The following RBFOX1 variants were observed in gnomAD, a reference collection of about 807,000 sequenced individuals.
RBFOX1 encodes RNA binding fox-1 homolog 1.
RBFOX1 carries 8 observed loss-of-function variants against 57.7 expected under a neutral mutation model. The observed-to-expected ratio is 0.14, with a 90% CI of 0.08 to 0.25. The LOEUF is 0.25. Among genes scored for constraint, RBFOX1 ranks in the 10% least tolerant of loss-of-function variants. RBFOX1 has a pLI of 1.00. For synonymous variants in RBFOX1, 326 were observed against 222.4 expected (o/e 1.47, Z -4.15); for missense variants, 611 against 548.5 (o/e 1.11, Z -1.14).
At chr16:6,164,445 G>C (rs558510168) in intron 1 of RBFOX1, among the ~76,000 whole-genome samples, 1 of 150,290 alleles carries the variant, frequency 6.7e-6, no homozygotes, top group Admixed American at 6.7e-5. Context: ...TTTCCACAGA[G>C]TTCTTTTTTG....
At chr16:5,944,361 G>C (rs991125212) in intron 4 of RBFOX1, among the ~76,000 whole-genome samples, 1 of 152,220 alleles carries the variant, frequency 6.6e-6, no homozygotes, top group African/African-American at 2.4e-5. Context: ...ATGGAGAAGA[G>C]AGAGACATAG....
intron 3 of RBFOX1, among the ~76,000 whole-genome samples, chr16:6,857,986 G>C (rs905011333): frequency 1.3e-5 from 2 of 152,078 alleles, no homozygotes; most frequent in African/African-American, 4.8e-5. Context: ...AAGTTGAGAG[G>C]GAGATTCTAA....
At chr16:5,431,234 G>A (rs368371387) in intron 1 of RBFOX1, among the ~76,000 whole-genome samples, 2 of 152,156 alleles carry the variant, frequency 1.3e-5, no homozygotes, top group African/African-American at 2.4e-5. Context: ...ATAGCCTTTC[G>A]TAAAGTTCTG....
intron 4 of RBFOX1, among the ~76,000 whole-genome samples, chr16:7,482,082 G>C (rs1412121389): frequency 1.3e-5 from 2 of 152,212 alleles, no homozygotes; most frequent in African/African-American, 4.8e-5. Flanking sequence ...TCCACACCTA[G>C]CAAGGGCTAG....
chr16:5,251,133 C>A (rs1179217070), intron 1 of RBFOX1, among the ~76,000 whole-genome samples: 1 of 151,526 alleles, frequency 6.6e-6, no homozygotes, highest in Non-Finnish European at 1.5e-5. Flanking sequence ...ACGGTCCCCC[C>A]AGCCCCTGCT....
intron 1 of RBFOX1, among the ~76,000 whole-genome samples, chr16:6,110,634 G>A (rs2096435176): frequency 6.6e-6 from 1 of 152,144 alleles, no homozygotes; most frequent in South Asian, 2.1e-4. Flanking sequence ...CTGTGTGAAG[G>A]ACACTCCACG....
At chr16:6,899,772 C>T (rs775756109) in intron 3 of RBFOX1, among the ~76,000 whole-genome samples, 1 of 152,194 alleles carries the variant, frequency 6.6e-6, no homozygotes, top group African/African-American at 2.4e-5. Context: ...TGAAGTACAT[C>T]ATACTTACAT....
rs114700875 is a variant in RBFOX1, at chr16:7,227,135, C to T, written c.27+175037C>T. Among the ~76,000 whole-genome samples, 497 of 152,206 alleles carry T rather than the reference C, an allele frequency of 3.3e-3. 2 individuals carry two copies. The highest frequency in any genetic ancestry group is 0.011 in the African/African-American group (465 of 41,528). On this transcript the variant is annotated intron_variant, in intron 4 of 15. Transcript: ENST00000550418. ...CCTGGAGATATTTGAGTTTGAAAAT[C>T]CTGGAGTAATAGTACCCCATTATGT...
chr16:6,014,087 A>G (rs150786075), upstream of RBFOX1, among the ~76,000 whole-genome samples: 3 of 152,222 alleles, frequency 2.0e-5, no homozygotes, highest in Non-Finnish European at 2.9e-5. Flanking sequence ...CGTTGTGCAC[A>G]TGTACCCTAA....
intron 4 of RBFOX1, among the ~76,000 whole-genome samples, chr16:7,182,476 GTTTTCCTTGTTTTTACCATTT>G (rs952294853): frequency 5.9e-5 from 9 of 152,038 alleles, no homozygotes; most frequent in Non-Finnish European, 8.8e-5. Flanking sequence ...GTCTGTTCTT[GTTTTCCTTGTTTTTACCATTT>G]TCTAGATATT....
intron 1 of RBFOX1, among the ~76,000 whole-genome samples, chr16:6,258,098 C>T (rs761890500): frequency 1.9e-4 from 29 of 152,234 alleles, no homozygotes; most frequent in South Asian, 4.2e-4. Flanking sequence ...AATAAAATTC[C>T]CATGCCCTTA....
At chr16:7,358,171 A>G (rs768783842) in intron 4 of RBFOX1, among the ~76,000 whole-genome samples, 1 of 152,168 alleles carries the variant, frequency 6.6e-6, no homozygotes, top group Non-Finnish European at 1.5e-5. Context: ...TTATCATCCT[A>G]TTGGATATGC....
At chr16:6,682,046 A>T (rs1350150371) in intron 3 of RBFOX1, among the ~76,000 whole-genome samples, 1 of 152,196 alleles carries the variant, frequency 6.6e-6, no homozygotes, top group Non-Finnish European at 1.5e-5. Context: ...CTCTTTGCTC[A>T]TATCTACTGG....
At chr16:7,013,023 C>G (rs1361111909) in intron 3 of RBFOX1, among the ~76,000 whole-genome samples, 3 of 152,112 alleles carry the variant, frequency 2.0e-5, no homozygotes, top group Non-Finnish European at 2.9e-5. Context: ...AGAGAGAAAG[C>G]AAGCCCTCTC....
intron 4 of RBFOX1, among the ~76,000 whole-genome samples, chr16:7,319,333 C>T (rs764985757): frequency 9.9e-5 from 15 of 152,128 alleles, no homozygotes; most frequent in Non-Finnish European, 1.6e-4. Flanking sequence ...TGAGTCCAGA[C>T]CTATGATAGG....
At chr16:7,234,879 C>T (rs2093691949) in intron 4 of RBFOX1, among the ~76,000 whole-genome samples, 1 of 151,928 alleles carries the variant, frequency 6.6e-6, no homozygotes, top group African/African-American at 2.4e-5. Flanking sequence ...TTTTGTATGT[C>T]CCATAAGAAT....
intron 14 of RBFOX1, among the ~76,000 whole-genome samples, chr16:7,698,601 CATTCCTCT>C (rs2079583515): frequency 6.6e-6 from 1 of 152,076 alleles, no homozygotes; most frequent in African/African-American, 2.4e-5. Flanking sequence ...CCCAATTGGC[CATTCCTCT>C]AACTGATCCT....
At chr16:6,378,562 A>G (rs565914895) in intron 2 of RBFOX1, among the ~76,000 whole-genome samples, 3 of 152,262 alleles carry the variant, frequency 2.0e-5, no homozygotes, top group African/African-American at 7.2e-5. Flanking sequence ...GGGAGTGTGC[A>G]CATGCCCACC....
intron 2 of RBFOX1, among the ~76,000 whole-genome samples, chr16:5,555,601 T>C (rs1232341707): frequency 3.9e-5 from 6 of 152,132 alleles, no homozygotes; most frequent in Admixed American, 2.6e-4. Flanking sequence ...ACCAACCTTA[T>C]AGTTGGAGAG....
Sources: allele counts gnomAD v4.1 joint callset (sites outside exome capture counted in the v4.1 genomes callset), GRCh38; gene constraint gnomAD v4.1.1; transcripts MANE v1.5; gene names NCBI Gene and HGNC (gene_info 2026-07-23, HGNC 2026-07-21).